Variants in RASGRP1 observed in about 807,000 individuals in gnomAD.
RASGRP1 encodes RAS guanyl releasing protein 1, also known as RAS guanyl-releasing protein 1.
In RASGRP1, 37 loss-of-function variants were observed where a neutral mutation model predicts 95.1. That is an observed-to-expected ratio of 0.39 (90% CI 0.30 to 0.51). The LOEUF is 0.51. Ranked by LOEUF, RASGRP1 falls within the 20% of genes least tolerant of loss-of-function variation. RASGRP1 has a pLI of 0.80. For missense variants in RASGRP1, 711 were observed against 965.4 expected (o/e 0.74, Z 3.49); for synonymous variants, 325 against 353.4 (o/e 0.92, Z 0.90).
At chr15:38,501,430 T>G in intron 12 of RASGRP1, 143 bp from the exon 13 acceptor site, 1 of 935,738 alleles carries the variant, frequency 1.1e-6, no homozygotes, top group Non-Finnish European at 1.7e-6. Context: ...ATTACTTCCA[T>G]GGGCCCTACT....
Position 38,507,772 on chromosome 15 carries a change from A to T in RASGRP1, c.1196T>A (p.Val399Glu). 6.2e-7 allele frequency: 1 copy of T among 1,600,098 alleles called. No homozygotes were observed. The highest frequency in any genetic ancestry group is 1.7e-4 in the Middle Eastern group (1 of 6,048). Residue 399 changes from valine to glutamate, a missense_variant, in exon 9 of 17, where the codon GTG (valine) becomes GAG (glutamate). Physicochemically the swap from Val to Glu is moderately radical, Grantham distance 121 (BLOSUM62 -2). Transcript: ENST00000310803. The part of the protein sequence containing the change: ...HISELVQLQE[V>E]APPLEANKDL... ...CTTGTTAGCCTCCAAGGGTGGGGCC[A>T]CCTCTTGCAGCTGGACCAATTCACT...
At chr15:38,511,489 G>T in intron 8 of RASGRP1, 115 bp downstream of exon 8, 1 of 755,088 alleles carries the variant, frequency 1.3e-6, no homozygotes, top group Non-Finnish European at 2.2e-6. Flanking sequence ...ACTTAGCCTG[G>T]TTGACAAGGG....
intron 2 of RASGRP1, among the ~76,000 whole-genome samples, chr15:38,557,629 G>GTGTGTGTGTGTGTGTA (rs745934661): frequency 3.4e-5 from 5 of 147,370 alleles, no homozygotes; most frequent in South Asian, 4.3e-4. Flanking sequence ...GTGTGTGTGT[G>GTGTGTGTGTGTGTGTA]TATATATATA....
At chr15:38,549,593 C>T (rs940144744) in intron 2 of RASGRP1, among the ~76,000 whole-genome samples, 6 of 152,086 alleles carry the variant, frequency 3.9e-5, no homozygotes, top group Non-Finnish European at 7.4e-5. Flanking sequence ...GGCTTCATCC[C>T]AAACTGCCTT....
At chr15:38,510,342 C>T (rs1257817926) in intron 8 of RASGRP1, among the ~76,000 whole-genome samples, 1 of 152,202 alleles carries the variant, frequency 6.6e-6, no homozygotes. Context: ...TCAGCAGAAC[C>T]GTTAAGGAAT....
intron 3 of RASGRP1, among the ~76,000 whole-genome samples, chr15:38,525,497 A>C (rs1273253497): frequency 6.6e-6 from 1 of 152,086 alleles, no homozygotes; most frequent in Admixed American, 6.6e-5. Context: ...CTACTGGAAA[A>C]CACCTCCTTT....
intron 6 of RASGRP1, among the ~76,000 whole-genome samples, chr15:38,515,917 G>GTGTGTT (rs1165543774): frequency 1.3e-5 from 2 of 151,612 alleles, no homozygotes; most frequent in Non-Finnish European, 2.9e-5. Context: ...GAGAGTGTGT[G>GTGTGTT]TGTGTGTGTG....
intron 2 of RASGRP1, 106 bp from the exon 3 acceptor site, chr15:38,526,510 G>C (rs1325637739): frequency 1.3e-6 from 1 of 763,160 alleles, no homozygotes; most frequent in Non-Finnish European, 2.2e-6. Context: ...TTCAGGCACA[G>C]TGATTTTCTT....
intron 2 of RASGRP1, among the ~76,000 whole-genome samples, chr15:38,541,375 G>A (rs991579741): frequency 3.3e-5 from 5 of 152,150 alleles, no homozygotes; most frequent in Non-Finnish European, 7.3e-5. Context: ...AGGATCACCT[G>A]AGCTCAGGAG....
rs1294667498 is a variant in RASGRP1, at chr15:38,516,327, T to C, written c.545A>G (p.Lys182Arg). The change falls in exon 6 of 17, where the codon AAA becomes AGA. Residue 182 changes from lysine (K) to arginine (R), a missense_variant. Around this residue, in one of 3 missense-constraint regions of RASGRP1, gnomAD observed 491 missense variants for 676.6 expected, o/e 0.73. Transcript: ENST00000310803. ...TQINARDWSR[K>R]LTQRIKSNTS... The stretch of plus-strand genomic sequence containing the variant: ...ATTTGATTTTATCCTTTGAGTAAGT[T>C]TCCTGGACCAGTCACGGGCATTGCT... The C allele has an allele frequency of 3.1e-6, 5 of 1,611,356 alleles. No individual in the cohort carries two copies. Among genetic ancestry groups the C allele is most frequent in the Admixed American group, 1.7e-5 (1 of 59,992 alleles).
At chr15:38,545,574 T>C (rs1003037994) in intron 2 of RASGRP1, among the ~76,000 whole-genome samples, 1 of 151,960 alleles carries the variant, frequency 6.6e-6, no homozygotes, top group Non-Finnish European at 1.5e-5. Flanking sequence ...GAAAAAAATA[T>C]TAAATTTCTA....
intron 2 of RASGRP1, among the ~76,000 whole-genome samples, chr15:38,536,280 G>C (rs558297285): frequency 3.9e-5 from 6 of 152,294 alleles, no homozygotes; most frequent in African/African-American, 1.4e-4. Context: ...GGAGCAGCGG[G>C]GCCCTGTCCT....
intron 2 of RASGRP1, among the ~76,000 whole-genome samples, chr15:38,535,112 A>G (rs1892593366): frequency 1.3e-5 from 2 of 152,184 alleles, no homozygotes; most frequent in African/African-American, 2.4e-5. Flanking sequence ...CAGCAGCTCA[A>G]TGCAGCAGCA....
At chr15:38,509,572 C>T (rs1891414178) in intron 8 of RASGRP1, among the ~76,000 whole-genome samples, 1 of 151,998 alleles carries the variant, frequency 6.6e-6, no homozygotes. Context: ...ACTAAAAATA[C>T]AAAATTAACC....
chr15:38,542,842 T>TATACACATATATGTGTATATATATATAC lies in RASGRP1; in HGVS notation c.221-16439_221-16438insGTATATATATATACACATATATGTGTAT, dbSNP rs201973193. ...ATATATACATATATATGTGTATATA[T>TATACACATATATGTGTATATATATATAC]ATATATGTGTATATATATACACATA... On this transcript the variant is annotated intron_variant, in intron 2 of 16. Coordinates refer to ENST00000310803, the MANE Select transcript of RASGRP1 (RefSeq NM_005739.4). Among the ~76,000 whole-genome samples, 81 of 115,274 alleles carry TATACACATATATGTGTATATATATATAC rather than the reference T, an allele frequency of 7.0e-4. No homozygotes were observed. In the East Asian group the frequency reaches 0.02, roughly 29 times the overall value. The allele number at this position is 115,274 out of a possible 152,430, so 75.6% of individuals were successfully genotyped here.
At chr15:38,507,702 A>G in intron 9 of RASGRP1, 24 bp downstream of exon 9, 1 of 1,549,400 alleles carries the variant, frequency 6.5e-7, no homozygotes, top group Non-Finnish European at 8.7e-7. Flanking sequence ...GTGCTTAGTA[A>G]TTGTCCTCCA....
chr15:38,494,689 A>T lies in RASGRP1; in HGVS notation c.1952T>A (p.Met651Lys). ...CTTCTGTGAGGACACTCCCATCAGC[A>T]TGATGGTCCGATCCTTACTCTCCTC... ...HGEESKDRTI[M>K]LMGVSSQKIS... The change falls in exon 16 of 17, where the codon ATG becomes AAG. Residue 651 changes from methionine to lysine, a missense_variant. This residue lies in a region of RASGRP1 where 212 missense variants were observed against 247.8 expected (regional missense o/e 0.86). Transcript: ENST00000310803. The T allele has an allele frequency of 6.5e-7, 1 of 1,531,324 alleles. No individual in the cohort carries two copies. Among genetic ancestry groups the T allele is most frequent in the Non-Finnish European group, 8.7e-7 (1 of 1,144,294 alleles). The allele number at this position is 1,531,324 out of a possible 1,614,324, so 94.9% of individuals were successfully genotyped here.
intron 6 of RASGRP1, among the ~76,000 whole-genome samples, chr15:38,513,403 C>T (rs1242857478): frequency 6.6e-6 from 1 of 152,162 alleles, no homozygotes; most frequent in Non-Finnish European, 1.5e-5. Flanking sequence ...AAAATCTGCC[C>T]TATCTAGGAC....
rs183475978 is a variant in RASGRP1, at chr15:38,507,741, C to T, written c.1227G>A (p.Leu409=). ...VAPPLEANKD[L]VHLLTLSLDL... ...TGAGCCTCACCGTCAGCAAGTGTAC[C>T]AAGTCCTTGTTAGCCTCCAAGGGTG... The change falls in exon 9 of 17, where the codon TTG becomes TTA. Residue 409 remains leucine, a synonymous_variant. Coordinates refer to ENST00000310803, the MANE Select transcript of RASGRP1 (RefSeq NM_005739.4). 353 of 1,570,650 alleles carry T rather than the reference C, an allele frequency of 2.2e-4. 1 individual carries two copies. The highest frequency in any genetic ancestry group is 7.1e-5 in the Non-Finnish European group (82 of 1,157,298).
Sources: allele counts gnomAD v4.1 joint callset (sites outside exome capture counted in the v4.1 genomes callset), GRCh38; gene constraint gnomAD v4.1.1; regional missense constraint gnomAD v4.1.1; transcripts MANE v1.5; gene names NCBI Gene and HGNC (gene_info 2026-07-23, HGNC 2026-07-21).